Variants in EPHA3 observed in about 807,000 individuals in gnomAD.
The protein encoded by EPHA3 is ephrin type-A receptor 3.
EPHA3 carries 42 observed loss-of-function variants against 107.1 expected under a neutral mutation model. That is an observed-to-expected ratio of 0.39 (90% confidence interval 0.31 to 0.51). The LOEUF (loss-of-function observed/expected upper bound fraction) is 0.51, where lower values mean the gene tolerates loss of function less well. Ranked by LOEUF, EPHA3 falls within the 20% of genes least tolerant of loss-of-function variation. The pLI is 0.78. For synonymous variants in EPHA3, 461 were observed against 424.8 expected (o/e 1.09, Z -1.05); for missense variants, 1,183 against 1,211.2 (o/e 0.98, Z 0.35).
At chr3:89,256,330 C>G (rs763943096) in intron 3 of EPHA3, among the ~76,000 whole-genome samples, 5 of 152,040 alleles carry the variant, frequency 3.3e-5, no homozygotes, top group Non-Finnish European at 7.4e-5. Context: ...AGGCAGATCA[C>G]AAGGTCAGGA....
At position 89,245,291 on chromosome 3, in the gene EPHA3, T is replaced by C. The variant is rs78318783; in HGVS notation, c.814+34771T>C. On this transcript the variant is annotated intron_variant, in intron 3 of 16. Coordinates refer to ENST00000336596, the MANE Select transcript of EPHA3 (RefSeq NM_005233.6). ...TAGAATTCTAGAATATCCAGTTATA[T>C]AGTTATTTGAAGAATACTTGAAGGA... 6.6e-5 allele frequency among the ~76,000 whole-genome samples: 10 copies of C among 152,302 alleles called. No individual in the cohort carries two copies. In the East Asian group the frequency reaches 1.7e-3, roughly 26 times the overall value.
intron 3 of EPHA3, among the ~76,000 whole-genome samples, chr3:89,283,052 C>T (rs1413109969): frequency 6.6e-6 from 1 of 152,072 alleles, no homozygotes; most frequent in Non-Finnish European, 1.5e-5. Context: ...AAATAATTAT[C>T]ATGGATCCAA....
rs536716300 is a variant in EPHA3, at chr3:89,302,918, G to A, written c.815-37998G>A. Among the ~76,000 whole-genome samples the A allele has an allele frequency of 1.3e-4, 20 of 151,890 alleles. No individual in the cohort carries two copies. The Middle Eastern group carries it at 0.021, about 156-fold the overall frequency. On this transcript the variant is annotated intron_variant, in intron 3 of 16. Transcript: ENST00000336596. ...ATTTTATTTAATTTTTTTGAGACAG[G>A]GTCTCACTCTGTTGCCCAGGCTGGA...
intron 5 of EPHA3, among the ~76,000 whole-genome samples, chr3:89,364,715 A>T (rs1708156158): frequency 6.6e-6 from 1 of 151,080 alleles, no homozygotes. Context: ...TCTTCTCAAT[A>T]TCCTCTAAAT....
rs142030914 is a variant in EPHA3 at position 89,450,216 on chromosome 3, C to G, written c.2536C>G (p.Pro846Ala). ...AGATGAGGGCTATCGACTGCCACCC[C>G]CCATGGACTGCCCAGCTGCCTTGTA... ...AVDEGYRLPP[P>A]MDCPAALYQL... Residue 846 changes from proline (P) to alanine (A), a missense_variant, in exon 15 of 17, where the codon CCC becomes GCC. By Grantham distance (27) the Pro-to-Ala change is conservative. Coordinates refer to ENST00000336596, the MANE Select transcript of EPHA3 (RefSeq NM_005233.6). The G allele has an allele frequency of 9.3e-6, 15 of 1,612,838 alleles. No homozygotes were observed. The highest frequency in any genetic ancestry group is 2.7e-5 in the African/African-American group (2 of 75,016).
chr3:89,208,423 G>GAAAGAAAGA (rs1706167288), intron 2 of EPHA3, among the ~76,000 whole-genome samples: 1 of 37,554 alleles, frequency 2.7e-5, no homozygotes, highest in East Asian at 5.3e-4. Flanking sequence ...AGGAAGGAAG[G>GAAAGAAAGA]AAGAAAGAAA....
In EPHA3 at chr3:89,342,008, G is replaced by T. The variant is rs1377674952; in HGVS notation, c.1224G>T (p.Glu408Asp). 6.2e-7 allele frequency: 1 copy of T among 1,612,684 alleles called. No individual in the cohort carries two copies. Among genetic ancestry groups the T allele is most frequent in the South Asian group, 1.1e-5 (1 of 90,896 alleles). Residue 408 changes from glutamate (E) to aspartate (D), a missense_variant, in exon 5 of 17, where the codon GAG becomes GAT. By Grantham distance (45) the Glu-to-Asp change is conservative. Coordinates refer to ENST00000336596, the MANE Select transcript of EPHA3 (RefSeq NM_005233.6). ...DLLAHTNYTF[E>D]IDAVNGVSEL... ...TGGCACATACTAACTACACCTTTGA[G>T]ATTGATGCCGTTAATGGGGTGTCAG... is the stretch of plus-strand genomic sequence containing the variant.
Position 89,107,789 on chromosome 3 carries a change from C to T in EPHA3, c.41C>T (p.Ser14Phe), listed in dbSNP as rs369721497. The change falls in exon 1 of 17, where the codon TCT becomes TTT. Residue 14 changes from serine (S) to phenylalanine (F), a missense_variant. Physicochemically the swap from Ser to Phe is radical, Grantham distance 155 (BLOSUM62 -2). Transcript: ENST00000336596. The stretch of plus-strand genomic sequence containing the variant: ...TCCATCCTCCTCCTTCTCAGCTGCT[C>T]TGTTCTCGACAGCTTCGGGGAACTG... ...QLSILLLLSC[S>F]VLDSFGELIP... 1.9e-5 allele frequency: 30 copies of T among 1,614,218 alleles called. 1 individual carries two copies. The highest frequency in any genetic ancestry group is 1.1e-4 in the African/African-American group (8 of 75,060).
intron 11 of EPHA3, among the ~76,000 whole-genome samples, chr3:89,426,679 T>C (rs1275454030): frequency 1.3e-5 from 2 of 151,778 alleles, no homozygotes; most frequent in East Asian, 3.9e-4. Flanking sequence ...GAGTGATAAG[T>C]AAAGGTCTGA....
At chr3:89,312,976 G>T (rs1448028526) in intron 3 of EPHA3, among the ~76,000 whole-genome samples, 2 of 151,762 alleles carry the variant, frequency 1.3e-5, no homozygotes. Context: ...TTCTTTATCT[G>T]GTCTGTAATT....
At chr3:89,124,747 G>T (rs938473738) in intron 1 of EPHA3, among the ~76,000 whole-genome samples, 1 of 151,942 alleles carries the variant, frequency 6.6e-6, no homozygotes, top group African/African-American at 2.4e-5. Flanking sequence ...GATACTCAGG[G>T]TAGATATAAT....
At chr3:89,153,164 G>C (rs1306115597) in intron 2 of EPHA3, among the ~76,000 whole-genome samples, 1 of 152,038 alleles carries the variant, frequency 6.6e-6, no homozygotes, top group Non-Finnish European at 1.5e-5. Flanking sequence ...GAATTGACAT[G>C]GGTAAAGGAA....
chr3:89,316,747 C>T (rs978794188), intron 3 of EPHA3, among the ~76,000 whole-genome samples: 6 of 151,188 alleles, frequency 4.0e-5, no homozygotes, highest in African/African-American at 1.5e-4. Context: ...TATGTTAAAA[C>T]AATGCCTTTG....
chr3:89,379,937 G>T (rs950227470), intron 5 of EPHA3, among the ~76,000 whole-genome samples: 2 of 152,102 alleles, frequency 1.3e-5, no homozygotes, highest in African/African-American at 4.8e-5. Flanking sequence ...CCCCTTAAAG[G>T]AAGGGATCAA....
chr3:89,481,916 G>T lies in EPHA3; in HGVS notation c.*2414G>T. On this transcript the variant is annotated 3_prime_UTR_variant, in exon 17 of 17. Transcript: ENST00000336596. The stretch of plus-strand genomic sequence containing the variant: ...TGATTTACATATATTATTTATTTCT[G>T]GTAACTCACTCAGTTTATGCTGTGC... 1 of 227,146 alleles carries T rather than the reference G, an allele frequency of 4.4e-6. No individual in the cohort carries two copies. Among genetic ancestry groups the T allele is most frequent in the Non-Finnish European group, 8.8e-6 (1 of 114,058 alleles). 14.1% of individuals were successfully genotyped at this position (227,146 alleles called of 1,614,324 possible). A position where few individuals can be genotyped will look rare whatever the true frequency, so the allele number is the denominator to read the frequency against.
At chr3:89,307,277 TG>T (rs1293725809) in intron 3 of EPHA3, among the ~76,000 whole-genome samples, 1 of 152,186 alleles carries the variant, frequency 6.6e-6, no homozygotes, top group Admixed American at 6.5e-5. Flanking sequence ...TAACTAGTTT[TG>T]GGGAAGCCTT....
At chr3:89,125,838 C>T (rs1429080843) in intron 1 of EPHA3, among the ~76,000 whole-genome samples, 5 of 151,560 alleles carry the variant, frequency 3.3e-5, no homozygotes, top group African/African-American at 9.7e-5. Flanking sequence ...AATTTTAGTA[C>T]TGCTTGAAAA....
At chr3:89,427,988 G>T (rs1427421156) in intron 11 of EPHA3, among the ~76,000 whole-genome samples, 1 of 151,606 alleles carries the variant, frequency 6.6e-6, no homozygotes, top group African/African-American at 2.4e-5. Flanking sequence ...TTTCAGCTTT[G>T]TATAATATTA....
intron 2 of EPHA3, among the ~76,000 whole-genome samples, chr3:89,144,496 T>C (rs76196755): frequency 0.023 from 3,528 of 151,888 alleles, 133 homozygotes; most frequent in African/African-American, 0.079. Context: ...TTTTTGAACT[T>C]AGTTTTCTTT....
Sources: allele counts gnomAD v4.1 joint callset (sites outside exome capture counted in the v4.1 genomes callset), GRCh38; gene constraint gnomAD v4.1.1; transcripts MANE v1.5; gene names NCBI Gene and HGNC (gene_info 2026-07-23, HGNC 2026-07-21).